NRXN1: variants seen among roughly 807,000 people sequenced by gnomAD.
NRXN1 encodes neurexin-1.
NRXN1 carries 39 observed loss-of-function variants against 150.9 expected under a neutral mutation model. That is an observed-to-expected ratio of 0.26 (90% CI 0.20 to 0.34). The LOEUF is 0.34. Among genes scored for constraint, NRXN1 ranks in the 10% least tolerant of loss-of-function variants. The pLI, the probability that NRXN1 is intolerant of heterozygous loss-of-function variation, is 1.00. For missense variants in NRXN1, 1,815 were observed against 1,949.9 expected (o/e 0.93, Z 1.30); for synonymous variants, 924 against 757.0 (o/e 1.22, Z -3.62).
At chr2:49,979,608 C>T (rs981640310) in intron 21 of NRXN1, among the ~76,000 whole-genome samples, 2 of 152,018 alleles carry the variant, frequency 1.3e-5, no homozygotes, top group African/African-American at 4.8e-5. Flanking sequence ...TTTCAAAAGA[C>T]ATATGTCAGA....
intron 22 of NRXN1, among the ~76,000 whole-genome samples, chr2:49,935,341 T>C (rs1006500488): frequency 1.3e-5 from 2 of 152,190 alleles, no homozygotes; most frequent in African/African-American, 4.8e-5. Flanking sequence ...TATTTTAGTG[T>C]GCTCTTAGAT....
chr2:50,981,633 T>G (rs1447308062), intron 2 of NRXN1, among the ~76,000 whole-genome samples: 1 of 152,044 alleles, frequency 6.6e-6, no homozygotes, highest in East Asian at 1.9e-4. Context: ...TCAAAAGTTT[T>G]TAACCAAAAG....
At chr2:50,226,633 T>C (rs573298324) in intron 18 of NRXN1, among the ~76,000 whole-genome samples, 5 of 152,110 alleles carry the variant, frequency 3.3e-5, no homozygotes, top group Non-Finnish European at 7.4e-5. Context: ...AGATTGTGCA[T>C]ACATCAGAGG....
chr2:50,299,911 A>C (rs185002541), intron 17 of NRXN1, among the ~76,000 whole-genome samples: 18 of 152,226 alleles, frequency 1.2e-4, no homozygotes, highest in African/African-American at 4.3e-4. Flanking sequence ...AATGAATTTC[A>C]AAGAATTATG....
At chr2:50,439,041 G>C (rs1245555033) in intron 17 of NRXN1, among the ~76,000 whole-genome samples, 1 of 152,166 alleles carries the variant, frequency 6.6e-6, no homozygotes, top group Non-Finnish European at 1.5e-5. Context: ...CAGTCGGCAG[G>C]GGCCACTGTG....
At chr2:51,030,091 A>G (rs905001179) in intron 1 of NRXN1, among the ~76,000 whole-genome samples, 6 of 146,342 alleles carry the variant, frequency 4.1e-5, no homozygotes. Context: ...TTGAAATGGT[A>G]CAGAAATCAT....
chr2:50,518,481 A>C (rs1269269981), intron 12 of NRXN1, among the ~76,000 whole-genome samples: 1 of 151,946 alleles, frequency 6.6e-6, no homozygotes, highest in African/African-American at 2.4e-5. Context: ...AAAGGGTTAT[A>C]CTGATTTATA....
intron 18 of NRXN1, among the ~76,000 whole-genome samples, chr2:50,108,600 C>T (rs1701977331): frequency 6.6e-6 from 1 of 151,978 alleles, no homozygotes; most frequent in South Asian, 2.1e-4. Flanking sequence ...AAGCAAAATA[C>T]TAAGATAAAT....
intron 17 of NRXN1, among the ~76,000 whole-genome samples, chr2:50,328,780 T>A (rs934686356): frequency 1.3e-5 from 2 of 152,086 alleles, no homozygotes; most frequent in African/African-American, 2.4e-5. Flanking sequence ...CATTTCCTAC[T>A]AATTCCGTCA....
At chr2:49,981,723 A>C (rs1680022685) in intron 21 of NRXN1, among the ~76,000 whole-genome samples, 1 of 152,138 alleles carries the variant, frequency 6.6e-6, no homozygotes, top group Non-Finnish European at 1.5e-5. Context: ...CTGAGTTAGA[A>C]ACAAAGCTCA....
chr2:50,367,065 A>G (rs2079633415), intron 17 of NRXN1, among the ~76,000 whole-genome samples: 1 of 151,976 alleles, frequency 6.6e-6, no homozygotes, highest in Non-Finnish European at 1.5e-5. Flanking sequence ...ATCCTTAAGG[A>G]AAGTAGGGAA....
chr2:50,796,498 C>T lies in NRXN1; in HGVS notation c.832+125371G>A, dbSNP rs187946433. ...ACCACTCCCACCCCAACGGCCCCAT[C>T]TAAGATCTGGATGACTAATGGAAGG... On this transcript the variant is annotated intron_variant, in intron 5 of 22. Coordinates refer to ENST00000401669, the MANE Select transcript of NRXN1 (RefSeq NM_001330078.2). Among the ~76,000 whole-genome samples, 30 of 152,252 alleles carry T rather than the reference C, an allele frequency of 2.0e-4. No homozygotes were observed. The East Asian group carries it at 5.6e-3, about 28-fold the overall frequency.
At chr2:50,060,137 G>C (rs377249227) in intron 19 of NRXN1, among the ~76,000 whole-genome samples, 1 of 152,168 alleles carries the variant, frequency 6.6e-6, no homozygotes, top group African/African-American at 2.4e-5. Context: ...AAGCAGCCAG[G>C]AGGGAAGCGG....
intron 21 of NRXN1, among the ~76,000 whole-genome samples, chr2:49,986,959 G>A (rs1294350106): frequency 6.6e-6 from 1 of 152,068 alleles, no homozygotes; most frequent in African/African-American, 2.4e-5. Flanking sequence ...CAGTTACTTG[G>A]GAGGCTGAAG....
At chr2:50,781,772 C>A (rs914830158) in intron 5 of NRXN1, among the ~76,000 whole-genome samples, 2 of 152,172 alleles carry the variant, frequency 1.3e-5, no homozygotes, top group African/African-American at 4.8e-5. Flanking sequence ...TTTTATTCAG[C>A]ATATTAGTTA....
intron 5 of NRXN1, among the ~76,000 whole-genome samples, chr2:50,739,023 G>A (rs1713859): frequency 0.91 from 138,528 of 152,194 alleles, 63,278 homozygotes; most frequent in African/African-American, 0.98. Context: ...GGCCTAGCCT[G>A]GAATTCAAGA....
At chr2:49,933,706 A>T (rs543862172) in intron 22 of NRXN1, among the ~76,000 whole-genome samples, 2 of 152,202 alleles carry the variant, frequency 1.3e-5, no homozygotes, top group Non-Finnish European at 2.9e-5. Context: ...ATTCAGTATG[A>T]AAGTATCTGA....
chr2:51,025,087 G>T (rs148598010), intron 2 of NRXN1, among the ~76,000 whole-genome samples: 2 of 152,100 alleles, frequency 1.3e-5, no homozygotes, highest in Non-Finnish European at 2.9e-5. Flanking sequence ...CTTCTAGGAA[G>T]ACTGACTCTG....
chr2:50,466,128 T>C (rs552767129), intron 16 of NRXN1, among the ~76,000 whole-genome samples: 2 of 151,864 alleles, frequency 1.3e-5, no homozygotes, highest in African/African-American at 2.4e-5. Context: ...AATTAAAAAC[T>C]CCATATAAAT....
Sources: gnomAD v4.1 joint callset for allele counts (sites outside exome capture counted in the v4.1 genomes callset) on GRCh38, gnomAD v4.1.1 for gene constraint, MANE v1.5 for transcripts, NCBI Gene and HGNC (gene_info 2026-07-23, HGNC 2026-07-21) for gene names.